Variants in MYOT observed in about 807,000 individuals in gnomAD.
MYOT encodes 57 kDa cytoskeletal protein.
MYOT carries 36 observed loss-of-function variants against 58.0 expected under a neutral mutation model. The observed-to-expected ratio is 0.62, with a 90% CI of 0.48 to 0.82. The LOEUF (loss-of-function observed/expected upper bound fraction) is 0.82, where lower values mean the gene tolerates loss of function less well. Ranked by LOEUF, MYOT falls within the 40% of genes least tolerant of loss-of-function variation. MYOT has a pLI of 0.00. For synonymous variants in MYOT, 218 were observed against 204.6 expected, an observed-to-expected ratio of 1.07 and a Z score of -0.56; for missense variants, 505 against 592.1, an observed-to-expected ratio of 0.85 and a Z score of 1.53.
At chr5:137,872,955 G>A (rs1755096474) in intron 2 of MYOT, among the ~76,000 whole-genome samples, 1 of 152,168 alleles carries the variant, frequency 6.6e-6, no homozygotes, top group African/African-American at 2.4e-5. Context: ...ATAAAGCAGT[G>A]TGCAAACGTA....
chr5:137,883,443 A>G lies in MYOT; in HGVS notation c.876A>G (p.Ser292=), dbSNP rs1224304212. 25 of 1,614,050 alleles carry G rather than the reference A, an allele frequency of 1.5e-5. No individual in the cohort carries two copies. Among genetic ancestry groups the G allele is most frequent in the Non-Finnish European group, 2.0e-5 (24 of 1,180,044 alleles). The change falls in exon 7 of 10, where the codon TCA becomes TCG. Residue 292 remains serine (S), a synonymous_variant. Transcript: ENST00000239926. ...ATCTAAATGGAAGAACAGTTCAATCAGATGATTTGCACAAAATGATAGTGT... is the reference window on the plus strand; with the variant it reads ...ATCTAAATGGAAGAACAGTTCAATCGGATGATTTGCACAAAATGATAGTGT... ...SWYLNGRTVQ[S]DDLHKMIVSE... is the part of the protein sequence containing the mutation.
chr5:137,876,088 G>C (rs1755204478), intron 3 of MYOT, 85 bp downstream of exon 3: 5 of 1,346,572 alleles, frequency 3.7e-6, no homozygotes, highest in Non-Finnish European at 5.3e-6. Flanking sequence ...CACAGATCTA[G>C]GTCCATATAT....
At chr5:137,870,296 C>CACACAT (rs1755003277) in intron 1 of MYOT, 145 bp from the exon 2 acceptor site, 1 of 367,856 alleles carries the variant, frequency 2.7e-6, no homozygotes, top group Non-Finnish European at 5.1e-6. Flanking sequence ...AAGACACACA[C>CACACAT]ACACACACAC....
At chr5:137,871,054 G>A (rs1755036410) in intron 2 of MYOT, 47 bp downstream of exon 2, 2 of 1,538,838 alleles carry the variant, frequency 1.3e-6, no homozygotes, top group Middle Eastern at 1.7e-4. Flanking sequence ...TTATATCTGA[G>A]GAGTTTGCGA....
At chr5:137,871,983 A>G (rs1354388871) in intron 2 of MYOT, among the ~76,000 whole-genome samples, 1 of 152,166 alleles carries the variant, frequency 6.6e-6, no homozygotes, top group Non-Finnish European at 1.5e-5. Flanking sequence ...TCTAGAGGCT[A>G]ATTTTTCTAC....
Position 137,870,722 on chromosome 5 carries a change from C to G in MYOT, c.71C>G (p.Pro24Arg). 2 of 1,614,252 alleles carry G rather than the reference C, an allele frequency of 1.2e-6. No individual in the cohort carries two copies. Among genetic ancestry groups the G allele is most frequent in the Non-Finnish European group, 1.7e-6 (2 of 1,180,046 alleles). Residue 24 changes from proline (P) to arginine (R), a missense_variant, in exon 2 of 10, where the codon CCT becomes CGT. Physicochemically the swap from Pro to Arg is moderately radical, Grantham distance 103. Transcript: ENST00000239926. ...QNPCGSRLQP[P>R]GPETSSFSSQ... ...CCATGTGGCTCCAGATTGCAGCCTC[C>G]TGGACCAGAAACCTCCAGCTTCTCT... is the stretch of plus-strand genomic sequence containing the variant.
chr5:137,875,285 T>C (rs537357116), intron 2 of MYOT, among the ~76,000 whole-genome samples: 1 of 152,212 alleles, frequency 6.6e-6, no homozygotes, highest in African/African-American at 2.4e-5. Flanking sequence ...AAGTGGGAGC[T>C]AAACATTGGG....
chr5:137,870,008 G>A (rs1352179953), intron 1 of MYOT, among the ~76,000 whole-genome samples: 1 of 151,730 alleles, frequency 6.6e-6, no homozygotes, highest in Non-Finnish European at 1.5e-5. Flanking sequence ...AATCCACTCA[G>A]CTGGGTGCGG....
intron 3 of MYOT, 49 bp downstream of exon 3, chr5:137,876,052 C>G (rs2149982129): frequency 6.3e-7 from 1 of 1,583,734 alleles, no homozygotes; most frequent in Non-Finnish European, 8.7e-7. Context: ...ACTATAAAAT[C>G]TAATTTTAAT....
At chr5:137,874,209 G>A (rs1755137455) in intron 2 of MYOT, among the ~76,000 whole-genome samples, 1 of 152,122 alleles carries the variant, frequency 6.6e-6, no homozygotes, top group African/African-American at 2.4e-5. Flanking sequence ...GCTCAAGCCT[G>A]TAATCCCAGA....
chr5:137,870,994 G>T lies in MYOT; in HGVS notation c.343G>T (p.Ala115Ser), dbSNP rs114194130. The part of the protein sequence containing the change: ...PDYNSSKIPS[A>S]MDSNYQQSSA... ...TTACAATAGCAGTAAAATCCCTTCC[G>T]CTATGGATTCCAAGTAAGTGAATTT... Residue 115 changes from alanine (A) to serine (S), a missense_variant, in exon 2 of 10, where the codon GCT (alanine) becomes TCT (serine). Coordinates refer to ENST00000239926, the MANE Select transcript of MYOT (RefSeq NM_006790.3). 67 of 1,613,370 alleles carry T rather than the reference G, an allele frequency of 4.2e-5. No individual in the cohort carries two copies. The East Asian group carries it at 6.0e-4, about 14-fold the overall frequency.
At chr5:137,882,456 T>G (rs188073181) in intron 6 of MYOT, among the ~76,000 whole-genome samples, 4 of 151,968 alleles carry the variant, frequency 2.6e-5, no homozygotes, top group Non-Finnish European at 5.9e-5. Flanking sequence ...AATGCCCTTT[T>G]TTTTTTTTTT....
At chr5:137,877,702 C>A in intron 4 of MYOT, 81 bp downstream of exon 4, 1 of 1,029,084 alleles carries the variant, frequency 9.7e-7, no homozygotes, top group Non-Finnish European at 1.5e-6. Context: ...TTATAAATAG[C>A]ATCTGAAATA....
At chr5:137,885,194 A>AT (rs1330403399) in intron 7 of MYOT, among the ~76,000 whole-genome samples, 1 of 152,232 alleles carries the variant, frequency 6.6e-6, no homozygotes, top group Admixed American at 6.5e-5. Flanking sequence ...AAATAAGGTC[A>AT]TAATAATTAC....
Position 137,877,522 on chromosome 5 carries a change from T to C in MYOT, c.534T>C (p.Arg178=). 2 of 1,607,362 alleles carry C rather than the reference T, an allele frequency of 1.2e-6. No individual in the cohort carries two copies. The highest frequency in any genetic ancestry group is 1.7e-6 in the Non-Finnish European group (2 of 1,173,952). Reference sequence around the variant, plus strand: ...CTGTCTCAATAAATTCTCTAAAGCGTCTAACATATGAAGAGAAGATGGCTC... The same window carrying C: ...CTGTCTCAATAAATTCTCTAAAGCGCCTAACATATGAAGAGAAGATGGCTC... The part of the protein sequence containing the change: ...KDTLLHNGNQ[R]LTYEEKMARR... The change falls in exon 4 of 10, where the codon CGT becomes CGC. Residue 178 remains arginine, a splice_region_variant and synonymous_variant. Transcript: ENST00000239926.
intron 4 of MYOT, 70 bp from the exon 5 acceptor site, chr5:137,880,746 A>G (rs1182449223): frequency 2.4e-6 from 3 of 1,245,504 alleles, no homozygotes; most frequent in Non-Finnish European, 3.5e-6. Context: ...TTTCAACTGT[A>G]ACTACTTAAT....
At chr5:137,877,424 T>G in intron 3 of MYOT, 96 bp from the exon 4 acceptor site, 1 of 757,814 alleles carries the variant, frequency 1.3e-6, no homozygotes, top group Non-Finnish European at 2.4e-6. Flanking sequence ...AGAACTATGC[T>G]TCTTTGAAGT....
intron 4 of MYOT, among the ~76,000 whole-genome samples, chr5:137,879,548 G>A (rs1189654740): frequency 2.4e-5 from 3 of 126,854 alleles, no homozygotes; most frequent in African/African-American, 3.1e-5. Context: ...TTTTTGAGAC[G>A]GAGTCTTGCT....
chr5:137,877,882 T>C (rs970280913), intron 4 of MYOT, among the ~76,000 whole-genome samples: 7 of 152,118 alleles, frequency 4.6e-5, no homozygotes, highest in Non-Finnish European at 7.4e-5. Context: ...TATCAGGACA[T>C]TTATGGGTCA....
Sources: allele counts gnomAD v4.1 joint callset (sites outside exome capture counted in the v4.1 genomes callset), GRCh38; gene constraint gnomAD v4.1.1; transcripts MANE v1.5; gene names NCBI Gene and HGNC (gene_info 2026-07-23, HGNC 2026-07-21).